The following TRIP13 variants were observed in gnomAD, a reference collection of about 807,000 sequenced individuals.
TRIP13 encodes the protein thyroid hormone receptor interactor 13.
TRIP13 carries 25 observed loss-of-function variants against 54.4 expected under a neutral mutation model. The observed-to-expected ratio is 0.46, with a 90% confidence interval of 0.33 to 0.64. The LOEUF is 0.64. Among genes scored for constraint, TRIP13 ranks in the 30% least tolerant of loss-of-function variants. TRIP13 has a pLI of 0.02. For missense variants in TRIP13, 373 were observed against 534.2 expected (o/e 0.70, Z 2.97); for synonymous variants, 207 against 207.8 (o/e 1.00, Z 0.03).
At position 915,718 on chromosome 5, in the gene TRIP13, C is replaced by T. The variant is rs915508183; in HGVS notation, c.1134-186C>T. Among the ~76,000 whole-genome samples the T allele has an allele frequency of 8.5e-5, 13 of 152,134 alleles. No individual in the cohort carries two copies. The highest frequency in any genetic ancestry group is 3.1e-4 in the African/African-American group (13 of 41,428). On this transcript the variant is annotated intron_variant, in intron 11 of 12. Transcript: ENST00000166345. The surrounding 1 kb of genome is among the most constrained non-coding windows in gnomAD (Gnocchi z 4.2). ...CCGGCCCCATACGAGAGGCCGGGGG[C>T]AAAGAGACATTCAGAGGGCAAGGCT...
downstream of TRIP13, chr5:919,260 G>GAT (rs1399402340): frequency 6.6e-6 from 1 of 152,244 alleles, no homozygotes; most frequent in Non-Finnish European, 1.5e-5. Flanking sequence ...GCTGCACTCA[G>GAT]ATGAGATCTG....
chr5:904,250 C>A, intron 6 of TRIP13, 30 bp downstream of exon 6: 1 of 1,564,984 alleles, frequency 6.4e-7, no homozygotes, highest in Non-Finnish European at 8.6e-7. Context: ...GAGAGGAGAG[C>A]CATGGGAATG....
rs372479379 is a variant in TRIP13, at chr5:901,336, A to G, written c.445-5A>G. ...TTGTCAAGCTCTTTTCTTTTTCTCT[A>G]TCAGCTCCTCGATTATGTGATGACA... On this transcript the variant is annotated splice_region_variant and splice_polypyrimidine_tract_variant and intron_variant, in intron 4 of 12. Transcript: ENST00000166345. 111 of 1,612,638 alleles carry G rather than the reference A, an allele frequency of 6.9e-5. No homozygotes were observed. Among genetic ancestry groups the G allele is most frequent in the African/African-American group, 2.1e-4 (16 of 74,748 alleles).
At position 904,137 on chromosome 5, in the gene TRIP13, C is replaced by A; in HGVS notation, c.536-11C>A. On this transcript the variant is annotated splice_polypyrimidine_tract_variant and intron_variant, in intron 5 of 12. Transcript: ENST00000166345. ...GACTTAAAAATATATTTGCTTGGAT[C>A]TTTGTCACAGGTCCTCCTGGCACTG... 1 of 1,598,798 alleles carries A rather than the reference C, an allele frequency of 6.3e-7. No homozygotes were observed. The highest frequency in any genetic ancestry group is 8.5e-7 in the Non-Finnish European group (1 of 1,175,954).
At chr5:901,685 C>T (rs1753993755) in intron 5 of TRIP13, among the ~76,000 whole-genome samples, 1 of 152,180 alleles carries the variant, frequency 6.6e-6, no homozygotes, top group Admixed American at 6.5e-5. Context: ...GATCTCGGCT[C>T]ACTGCAACCT....
Position 912,004 on chromosome 5 carries a change from TA to T in TRIP13, c.1020+9del. On this transcript the variant is annotated intron_variant, in intron 10 of 12. Coordinates refer to ENST00000166345, the MANE Select transcript of TRIP13 (RefSeq NM_004237.4). The surrounding 1 kb of genome is among the most constrained non-coding windows in gnomAD (Gnocchi z 7.2). ...TTGGAAGAACTGATGAAGGTACCTT[TA>T]TTTTTTTTTTCCTCTTGATACAAAT... 6.3e-7 allele frequency: 1 copy of T among 1,594,212 alleles called. No individual in the cohort carries two copies. Among genetic ancestry groups the T allele is most frequent in the Non-Finnish European group, 8.5e-7 (1 of 1,174,906 alleles).
chr5:916,776 C>G (rs1431555990), intron 12 of TRIP13, among the ~76,000 whole-genome samples: 1 of 149,878 alleles, frequency 6.7e-6, no homozygotes, highest in African/African-American at 2.5e-5. Flanking sequence ...TTCTGACATT[C>G]AGGACATGGC....
Position 917,175 on chromosome 5 carries a change from C to A in TRIP13, c.*72C>A. On this transcript the variant is annotated 3_prime_UTR_variant, in exon 13 of 13. Transcript: ENST00000166345. ...CAGTAAGTGAGGTTGCCCCACACAG[C>A]CGTCTCCCAGGGAATCCCTTCTGCA... 1 of 1,474,954 alleles carries A rather than the reference C, an allele frequency of 6.8e-7. No homozygotes were observed. Among genetic ancestry groups the A allele is most frequent in the South Asian group, 1.2e-5 (1 of 84,062 alleles). 91.4% of individuals were successfully genotyped at this position (1,474,954 alleles called of 1,614,324 possible).
At position 915,781 on chromosome 5, in the gene TRIP13, C is replaced by G. The variant is rs1754329098; in HGVS notation, c.1134-123C>G. On this transcript the variant is annotated intron_variant, in intron 11 of 12. Transcript: ENST00000166345. This position sits in a 1 kb window ranked among gnomAD's most constrained non-coding sequence, Gnocchi z 4.2. ...GAGGGGCAGGAAGTGCCCTGTGAAC[C>G]CAGGGTGTGCTTGGGACGCCTCGGC... is the stretch of plus-strand genomic sequence containing the variant. 2 of 960,234 alleles carry G rather than the reference C, an allele frequency of 2.1e-6. No homozygotes were observed. The highest frequency in any genetic ancestry group is 3.3e-6 in the Non-Finnish European group (2 of 600,960). 59.5% of individuals were successfully genotyped at this position (960,234 alleles called of 1,614,324 possible).
At chr5:902,693 G>T (rs1411921793) in intron 5 of TRIP13, among the ~76,000 whole-genome samples, 2 of 152,156 alleles carry the variant, frequency 1.3e-5, no homozygotes, top group Non-Finnish European at 2.9e-5. Flanking sequence ...GCTGGGCCTG[G>T]GGGACCACTA....
chr5:910,098 C>T (rs1025104325), intron 9 of TRIP13, among the ~76,000 whole-genome samples: 2 of 152,224 alleles, frequency 1.3e-5, no homozygotes, highest in South Asian at 4.1e-4. Flanking sequence ...CTTCCTTCTC[C>T]TCTTGTCCAC....
In TRIP13 at chr5:893,095, G is replaced by GC. The variant is rs1323753346; in HGVS notation, c.92+7dup. 1.3e-6 allele frequency: 2 copies of GC among 1,587,274 alleles called. No individual in the cohort carries two copies. The highest frequency in any genetic ancestry group is 2.7e-5 in the African/African-American group (2 of 74,518). ...GGTGCATCAGCGCGGCAGCAGGTGA[G>GC]CCGGACCTGTCCGACACATCCTCTG... On this transcript the variant is annotated splice_donor_region_variant and intron_variant, in intron 1 of 12. Transcript: ENST00000166345.
chr5:906,994 C>G, intron 6 of TRIP13, 136 bp from the exon 7 acceptor site: 1 of 689,792 alleles, frequency 1.4e-6, no homozygotes. Flanking sequence ...GGCTGGATTC[C>G]TCAATTCTTT....
At chr5:916,787 G>A (rs1032682627) in intron 12 of TRIP13, among the ~76,000 whole-genome samples, 5 of 148,162 alleles carry the variant, frequency 3.4e-5, no homozygotes, top group Admixed American at 6.6e-5. Flanking sequence ...AGGACATGGC[G>A]GGGGCGGGGG....
intron 9 of TRIP13, among the ~76,000 whole-genome samples, chr5:909,830 C>G (rs1261740540): frequency 6.6e-6 from 1 of 152,270 alleles, no homozygotes; most frequent in Non-Finnish European, 1.5e-5. Context: ...GTCCTTAAGG[C>G]ACAGATCGCT....
At chr5:902,895 CAGAG>C (rs201585971) in intron 5 of TRIP13, among the ~76,000 whole-genome samples, 4,214 of 152,276 alleles carry the variant, frequency 0.028, 177 homozygotes, top group African/African-American at 0.093. Context: ...AGAAGAGAAA[CAGAG>C]AGACGGCTTA....
Position 907,947 on chromosome 5 carries a change from G to T in TRIP13, c.673-41G>T. 6.3e-7 allele frequency: 1 copy of T among 1,596,914 alleles called. No homozygotes were observed. Among genetic ancestry groups the T allele is most frequent in the Non-Finnish European group, 8.6e-7 (1 of 1,164,216 alleles). On this transcript the variant is annotated intron_variant, in intron 7 of 12. Coordinates refer to ENST00000166345, the MANE Select transcript of TRIP13 (RefSeq NM_004237.4). The surrounding 1 kb of genome is among the most constrained non-coding windows in gnomAD (Gnocchi z 4.1). ...GGTCCCCCTGTGCACCTGGCAGTGTGGTCCCTGCACGTTGACACTAAAAGG... is the reference window on the plus strand; with the variant it reads ...GGTCCCCCTGTGCACCTGGCAGTGTTGTCCCTGCACGTTGACACTAAAAGG...
At chr5:903,743 G>C (rs1754046075) in intron 5 of TRIP13, among the ~76,000 whole-genome samples, 2 of 152,168 alleles carry the variant, frequency 1.3e-5, no homozygotes, top group Admixed American at 6.6e-5. Flanking sequence ...ATCAAGAAAG[G>C]TGTGTTTGAT....
intron 6 of TRIP13, 63 bp downstream of exon 6, chr5:904,283 T>G (rs1754060803): frequency 8.4e-6 from 12 of 1,427,990 alleles, no homozygotes; most frequent in African/African-American, 4.4e-5. Context: ...GGAGGTTGTT[T>G]TTTTTTTTTT....
Sources: gnomAD v4.1 joint callset for allele counts (sites outside exome capture counted in the v4.1 genomes callset) on GRCh38, gnomAD v4.1.1 for gene constraint, Gnocchi (gnomAD v3.1) non-coding constraint, MANE v1.5 for transcripts, NCBI Gene and HGNC (gene_info 2026-07-23, HGNC 2026-07-21) for gene names.